PNO1: variants seen among roughly 807,000 people sequenced by gnomAD.
PNO1 encodes the protein partner of NOB1 homolog, also known as RNA-binding protein PNO1.
In PNO1, 16 loss-of-function variants were observed where a neutral mutation model predicts 28.4. The ratio of observed to expected loss-of-function variants is 0.56; its 90% confidence interval spans 0.38 to 0.85. The LOEUF is 0.85. PNO1 is among the 40% of genes least tolerant of loss of function. PNO1 has a pLI of 0.00. For missense variants in PNO1, 304 were observed against 312.2 expected (o/e 0.97, Z 0.20); for synonymous variants, 115 against 110.8 (o/e 1.04, Z -0.24).
chr2:68,165,398 T>A (rs1260293181), intron 5 of PNO1, among the ~76,000 whole-genome samples: 7 of 118,178 alleles, frequency 5.9e-5, no homozygotes, highest in African/African-American at 2.3e-4. Flanking sequence ...AAAAAAAAAC[T>A]AGCTGGGTGT....
rs563113637 is a variant in PNO1, at chr2:68,159,802, C to G, written c.357+1273C>G. On this transcript the variant is annotated intron_variant, in intron 2 of 6. Transcript: ENST00000263657. ...CCCTGTTGCCATTCTCTCATTCAGG[C>G]TTTTATGGTTTCCTGCCAAGGAGTG... 1.1e-3 allele frequency among the ~76,000 whole-genome samples: 172 copies of G among 152,050 alleles called. 2 individuals are homozygous for G. In the Middle Eastern group the frequency reaches 0.014, roughly 12 times the overall value.
intron 4 of PNO1, 21 bp from the exon 5 acceptor site, chr2:68,162,525 G>T: frequency 5.2e-6 from 8 of 1,531,570 alleles, no homozygotes; most frequent in Non-Finnish European, 6.3e-6. Context: ...TGCCTCCTGA[G>T]ATCTTGCTTT....
At chr2:68,164,887 T>A (rs1279295432) in intron 5 of PNO1, among the ~76,000 whole-genome samples, 2 of 152,230 alleles carry the variant, frequency 1.3e-5, no homozygotes, top group African/African-American at 2.4e-5. Flanking sequence ...TGTTGTAAAT[T>A]AATGATCTCA....
intron 5 of PNO1, among the ~76,000 whole-genome samples, chr2:68,164,080 C>T (rs1244751748): frequency 6.6e-6 from 1 of 152,186 alleles, no homozygotes; most frequent in Non-Finnish European, 1.5e-5. Context: ...GCCCTCTTTA[C>T]CTGAAGCCAG....
At chr2:68,169,021 C>T (rs1287301452) in intron 5 of PNO1, among the ~76,000 whole-genome samples, 4 of 148,024 alleles carry the variant, frequency 2.7e-5, no homozygotes, top group South Asian at 2.1e-4. Context: ...CTCCACCTCC[C>T]GGGTTCAATG....
At chr2:68,170,322 C>T (rs535918427) in intron 5 of PNO1, among the ~76,000 whole-genome samples, 1 of 152,332 alleles carries the variant, frequency 6.6e-6, no homozygotes, top group South Asian at 2.1e-4. Context: ...TCCTTTCCAA[C>T]TATTGCCCCA....
intron 6 of PNO1, among the ~76,000 whole-genome samples, 159 bp downstream of exon 6, chr2:68,173,576 A>ATTTTT (rs34874863): frequency 3.6e-5 from 4 of 111,400 alleles, no homozygotes; most frequent in African/African-American, 7.2e-5. Context: ...AGGAAGTAGA[A>ATTTTT]TTTTTTTTTT....
intron 3 of PNO1, 120 bp downstream of exon 3, chr2:68,161,886 G>A: frequency 4.4e-6 from 3 of 684,582 alleles, no homozygotes; most frequent in Non-Finnish European, 7.5e-6. Context: ...TGTAATCTCA[G>A]CACTCTGGGA....
At chr2:68,161,331 A>G in intron 2 of PNO1, 1 of 477,040 alleles carries the variant, frequency 2.1e-6, no homozygotes, top group Non-Finnish European at 4.3e-6. Flanking sequence ...AGAAGAGAAG[A>G]GGACATTGGG....
intron 5 of PNO1, among the ~76,000 whole-genome samples, chr2:68,170,591 C>CA (rs1467225921): frequency 3.3e-4 from 50 of 151,586 alleles, no homozygotes; most frequent in Non-Finnish European, 5.7e-4. Flanking sequence ...ACTAAAAATA[C>CA]AAAAAAATTA....
Position 68,158,491 on chromosome 2 carries a change from A to T in PNO1, c.319A>T (p.Ile107Leu). ...TATTGTGGAACATTTGGGACTTCAGATACGCTTTAACTTGAAATCAAGGAA... is the reference window on the plus strand; with the variant it reads ...TATTGTGGAACATTTGGGACTTCAGTTACGCTTTAACTTGAAATCAAGGAA... Reference protein sequence around the residue: ...TPIVEHLGLQIRFNLKSRNVE... With the variant: ...TPIVEHLGLQLRFNLKSRNVE... Residue 107 changes from isoleucine (I) to leucine (L), a missense_variant, in exon 2 of 7, where the codon ATA becomes TTA. Physicochemically the swap from Ile to Leu is conservative, Grantham distance 5. Transcript: ENST00000263657. 6.2e-7 allele frequency: 1 copy of T among 1,613,770 alleles called. No homozygotes were observed. The highest frequency in any genetic ancestry group is 8.5e-7 in the Non-Finnish European group (1 of 1,179,760).
intron 6 of PNO1, among the ~76,000 whole-genome samples, chr2:68,174,180 G>A (rs1317294978): frequency 6.6e-6 from 1 of 152,010 alleles, no homozygotes; most frequent in Non-Finnish European, 1.5e-5. Context: ...CTGGTTCTCA[G>A]GCCTCAGTGA....
Position 68,175,139 on chromosome 2 carries a change from A to G in PNO1, c.*337A>G, listed in dbSNP as rs1267338991. The G allele has an allele frequency of 5.9e-6, 1 of 170,332 alleles. No individual in the cohort carries two copies. Among genetic ancestry groups the G allele is most frequent in the Non-Finnish European group, 1.2e-5 (1 of 80,282 alleles). The allele number at this position is 170,332 out of a possible 1,614,324, so 10.6% of individuals were successfully genotyped here. On this transcript the variant is annotated 3_prime_UTR_variant, in exon 7 of 7. Transcript: ENST00000263657. ...CAGCTCTATATGGATTTATACTTTT[A>G]TATTTATAAATTTATAACTTCATAC...
At chr2:68,166,118 A>G (rs1336495963) in intron 5 of PNO1, among the ~76,000 whole-genome samples, 1 of 152,090 alleles carries the variant, frequency 6.6e-6, no homozygotes, top group Non-Finnish European at 1.5e-5. Context: ...GTTATTTTGG[A>G]TTTCTCCATT....
intron 3 of PNO1, 89 bp downstream of exon 3, chr2:68,161,855 C>T: frequency 1.2e-6 from 1 of 839,336 alleles, no homozygotes; most frequent in Non-Finnish European, 1.9e-6. Context: ...AAAAAAAAGG[C>T]CAGGCACAGT....
At chr2:68,168,317 T>C (rs1053076493) in intron 5 of PNO1, among the ~76,000 whole-genome samples, 3 of 152,282 alleles carry the variant, frequency 2.0e-5, no homozygotes, top group Non-Finnish European at 4.4e-5. Flanking sequence ...CAAGATGAAA[T>C]AGGGACAGGG....
chr2:68,158,201 TG>T, intron 1 of PNO1, 60 bp downstream of exon 1: 3 of 1,500,434 alleles, frequency 2.0e-6, no homozygotes, highest in Non-Finnish European at 2.7e-6. Flanking sequence ...ATCAAGCCGA[TG>T]GCCTCTGGAG....
chr2:68,174,261 G>A (rs1161147176), intron 6 of PNO1, among the ~76,000 whole-genome samples: 1 of 144,008 alleles, frequency 6.9e-6, no homozygotes, highest in African/African-American at 2.5e-5. Flanking sequence ...ATTTTTTGGA[G>A]AATATTTGGG....
intron 5 of PNO1, among the ~76,000 whole-genome samples, chr2:68,164,782 G>A (rs1673932563): frequency 6.6e-6 from 1 of 152,182 alleles, no homozygotes; most frequent in Non-Finnish European, 1.5e-5. Flanking sequence ...GGGTGACAGA[G>A]TGAAACCTTG....
Sources: allele counts gnomAD v4.1 joint callset (sites outside exome capture counted in the v4.1 genomes callset), GRCh38; gene constraint gnomAD v4.1.1; transcripts MANE v1.5; gene names NCBI Gene and HGNC (gene_info 2026-07-23, HGNC 2026-07-21).